The following CCAR1 variants were observed in gnomAD, a reference collection of about 807,000 sequenced individuals.
The protein encoded by CCAR1 is cell division cycle and apoptosis regulator protein 1.
CCAR1 carries 78 observed loss-of-function variants against 163.8 expected under a neutral mutation model. That is an observed-to-expected ratio of 0.48 (90% CI 0.40 to 0.57). CCAR1 has a LOEUF of 0.57. Among genes scored for constraint, CCAR1 ranks in the 20% least tolerant of loss-of-function variants. The pLI, the probability that CCAR1 is intolerant of heterozygous loss-of-function variation, is 0.00. For synonymous variants in CCAR1, 443 were observed against 460.7 expected, an observed-to-expected ratio of 0.96 and a Z score of 0.49; for missense variants, 1,019 against 1,365.2, an observed-to-expected ratio of 0.75 and a Z score of 4.00.
chr10:68,778,336 C>G (rs1044492229), intron 19 of CCAR1, among the ~76,000 whole-genome samples: 7 of 152,188 alleles, frequency 4.6e-5, no homozygotes, highest in African/African-American at 7.2e-5. Context: ...ACATATGCTT[C>G]TATGTTAGGA....
At position 68,755,381 on chromosome 10, in the gene CCAR1, C is replaced by T. The variant is rs1215343752; in HGVS notation, c.1470C>T (p.Gly490=). Residue 490 remains glycine (G), a synonymous_variant, in exon 13 of 25, where the codon GGC becomes GGT. Transcript: ENST00000265872. ...HPARLVKFLV[G]MKGKDEAMAI... ...TTGTTTTGAATTAGTTTTTAGTGGG[C>T]ATGAAAGGCAAGGATGAAGCTATGG... is the stretch of plus-strand genomic sequence containing the variant. The T allele has an allele frequency of 6.2e-7, 1 of 1,611,080 alleles. No individual in the cohort carries two copies. Among genetic ancestry groups the T allele is most frequent in the Non-Finnish European group, 8.5e-7 (1 of 1,178,638 alleles).
At position 68,747,103 on chromosome 10, in the gene CCAR1, G is replaced by T. The variant is rs150619320; in HGVS notation, c.519-58G>T. On this transcript the variant is annotated intron_variant, in intron 6 of 24. Coordinates refer to ENST00000265872, the MANE Select transcript of CCAR1 (RefSeq NM_018237.4). ...TACTAACTATGTAAATCATTTTGGG[G>T]AGAAATCTATTTTAATTGTATTTAT... 1,337 of 856,822 alleles carry T rather than the reference G, an allele frequency of 1.6e-3. 8 individuals carry two copies. The African/African-American group carries it at 0.021, about 13-fold the overall frequency. 53.1% of individuals were successfully genotyped at this position (856,822 alleles called of 1,614,324 possible).
At chr10:68,789,459 C>T (rs539119321) in intron 23 of CCAR1, among the ~76,000 whole-genome samples, 25 of 151,838 alleles carry the variant, frequency 1.6e-4, no homozygotes, top group African/African-American at 5.3e-4. Flanking sequence ...TGTGGTGGTA[C>T]GCGCCTGTAA....
chr10:68,754,151 C>G lies in CCAR1; in HGVS notation c.1344+74C>G, dbSNP rs796321709. 1.2e-5 allele frequency: 13 copies of G among 1,066,062 alleles called. No individual in the cohort carries two copies. The African/African-American group carries it at 1.7e-4, about 14-fold the overall frequency. The allele number at this position is 1,066,062 out of a possible 1,614,324, so 66.0% of individuals were successfully genotyped here. ...ATAATAAAAGGGTATGTAGAATTAT[C>G]CTTCAGAAAGTGTTTGTTAGGTAGA... On this transcript the variant is annotated intron_variant, in intron 11 of 24. Coordinates refer to ENST00000265872, the MANE Select transcript of CCAR1 (RefSeq NM_018237.4).
intron 2 of CCAR1, among the ~76,000 whole-genome samples, chr10:68,724,968 G>A (rs542195775): frequency 3.9e-4 from 59 of 151,958 alleles, no homozygotes; most frequent in Non-Finnish European, 7.1e-4. Flanking sequence ...GAGAAACCCC[G>A]TCTCTACTAA....
rs768478214 is a variant in CCAR1 at position 68,789,790 on chromosome 10, C to G, written c.3268C>G (p.Leu1090Val). 3 of 1,607,232 alleles carry G rather than the reference C, an allele frequency of 1.9e-6. No homozygotes were observed. The highest frequency in any genetic ancestry group is 2.5e-6 in the Non-Finnish European group (3 of 1,177,170). Residue 1090 changes from leucine (L) to valine (V), a missense_variant, in exon 24 of 25, where the codon CTT becomes GTT. Physicochemically the swap from Leu to Val is conservative, Grantham distance 32 (BLOSUM62 1). Transcript: ENST00000265872. ...TGAACTCAGAGAAGTTAAAAAGGAC[C>G]TTAGTCAGTTACAAGAAAACTTAAA... The part of the protein sequence containing the change: ...SGELREVKKD[L>V]SQLQENLKIS...
At chr10:68,788,095 T>A (rs1564555406) in intron 22 of CCAR1, 48 bp downstream of exon 22, 2 of 1,526,464 alleles carry the variant, frequency 1.3e-6, no homozygotes, top group Non-Finnish European at 1.8e-6. Context: ...TACTAGTAAT[T>A]AAAGAAGAAA....
intron 17 of CCAR1, among the ~76,000 whole-genome samples, chr10:68,769,491 G>A (rs959321510): frequency 2.6e-5 from 4 of 152,036 alleles, no homozygotes; most frequent in East Asian, 3.9e-4. Context: ...GTGGTGGCGC[G>A]TACGTGTAAT....
rs1391691574 is a variant in CCAR1, at chr10:68,747,878, C to A, written c.826+312C>A. On this transcript the variant is annotated intron_variant, in intron 8 of 24. Transcript: ENST00000265872. ...GATTGTTTGAAACTCCAGATGTGTT[C>A]TTTTTCGCTCTGTCGCCCAGGCTGG... Among the ~76,000 whole-genome samples, 7 of 152,108 alleles carry A rather than the reference C, an allele frequency of 4.6e-5. No individual in the cohort carries two copies. In the South Asian group the frequency reaches 1.5e-3, roughly 32 times the overall value.
intron 17 of CCAR1, among the ~76,000 whole-genome samples, chr10:68,766,633 T>A (rs1392338573): frequency 1.3e-5 from 2 of 151,506 alleles, no homozygotes; most frequent in Non-Finnish European, 2.9e-5. Context: ...TTCAAGCAGT[T>A]CTCCTGCCTC....
chr10:68,771,416 G>C lies in CCAR1; in HGVS notation c.2509G>C (p.Asp837His). 1.3e-6 allele frequency: 2 copies of C among 1,582,906 alleles called. No homozygotes were observed. The highest frequency in any genetic ancestry group is 8.6e-7 in the Non-Finnish European group (1 of 1,168,200). The change falls in exon 18 of 25, where the codon GAT (aspartate) becomes CAT (histidine). Residue 837 changes from aspartate to histidine, a missense_variant. Around this residue, in one of 4 missense-constraint regions of CCAR1, gnomAD observed 358 missense variants for 406.4 expected, o/e 0.88. Transcript: ENST00000265872. Reference protein sequence around the residue: ...PKRRKSGDDKDKKEDRDERKK... With the variant: ...PKRRKSGDDKHKKEDRDERKK... ...ACGGAGAAAATCAGGCGATGATAAA[G>C]ATAAAAAAGAAGATAGAGATGAAAG...
chr10:68,786,166 A>C lies in CCAR1; in HGVS notation c.2681A>C (p.Asp894Ala). 2.5e-6 allele frequency: 4 copies of C among 1,612,852 alleles called. No individual in the cohort carries two copies. The highest frequency in any genetic ancestry group is 3.4e-6 in the Non-Finnish European group (4 of 1,179,134). ...DRDEEEMTKR[D>A]DKRDINRYCK... ...GATGAGGAAGAAATGACCAAACGAG[A>C]TGACAAAAGAGATATCAACAGATAC... Residue 894 changes from aspartate to alanine, a missense_variant, in exon 20 of 25, where the codon GAT (aspartate) becomes GCT (alanine). Asp to Ala is a moderately radical substitution (Grantham distance 126). Around this residue, in one of 4 missense-constraint regions of CCAR1, gnomAD observed 358 missense variants for 406.4 expected, o/e 0.88. Transcript: ENST00000265872.
chr10:68,735,052 T>G (rs1399058741), intron 2 of CCAR1, among the ~76,000 whole-genome samples: 1 of 152,170 alleles, frequency 6.6e-6, no homozygotes, highest in Non-Finnish European at 1.5e-5. Flanking sequence ...GTACACTAAC[T>G]AAAACCTCTT....
rs1386896867 is a variant in CCAR1 at position 68,789,721 on chromosome 10, A to G, written c.3199A>G (p.Lys1067Glu). The G allele has an allele frequency of 1.9e-6, 3 of 1,570,000 alleles. No homozygotes were observed. Among genetic ancestry groups the G allele is most frequent in the Non-Finnish European group, 2.6e-6 (3 of 1,163,694 alleles). ...LLEEKTDEDE[K>E]TILNLENSNK... ...ATTTTTTTAAACAGATGAAGATGAA[A>G]AAACCATATTAAATTTGGAGAATTC... Residue 1067 changes from lysine (K) to glutamate (E), a missense_variant, in exon 24 of 25, where the codon AAA (lysine) becomes GAA (glutamate). Transcript: ENST00000265872.
intron 12 of CCAR1, 26 bp from the exon 13 acceptor site, chr10:68,755,344 G>A (rs1236970472): frequency 3.1e-6 from 5 of 1,600,014 alleles, no homozygotes; most frequent in South Asian, 2.2e-5. Context: ...CGTAATATAT[G>A]TAAATGATTC....
intron 18 of CCAR1, among the ~76,000 whole-genome samples, chr10:68,771,893 G>C (rs1260263312): frequency 1.3e-5 from 2 of 151,666 alleles, no homozygotes; most frequent in Non-Finnish European, 2.9e-5. Context: ...CTGAGACGGA[G>C]TCTTGCTCTG....
intron 8 of CCAR1, 93 bp downstream of exon 8, chr10:68,747,659 AGAAAACTT>A: frequency 8.3e-7 from 1 of 1,211,760 alleles, no homozygotes; most frequent in Non-Finnish European, 1.2e-6. Flanking sequence ...AGGGATTTCA[AGAAAACTT>A]GAAGCCTAAA....
intron 2 of CCAR1, among the ~76,000 whole-genome samples, chr10:68,733,079 C>T (rs2056062463): frequency 6.6e-6 from 1 of 152,086 alleles, no homozygotes; most frequent in Admixed American, 6.6e-5. Flanking sequence ...ATCCTTTCTC[C>T]CTACCTATGA....
At chr10:68,772,962 A>C (rs920904632) in intron 18 of CCAR1, 26 bp from the exon 19 acceptor site, 6 of 1,189,746 alleles carry the variant, frequency 5.0e-6, no homozygotes, top group African/African-American at 1.6e-5. Context: ...TAAGTAAATA[A>C]ATAATAAAGG....
Sources: allele counts gnomAD v4.1 joint callset (sites outside exome capture counted in the v4.1 genomes callset), GRCh38; gene constraint gnomAD v4.1.1; regional missense constraint gnomAD v4.1.1; transcripts MANE v1.5; gene names NCBI Gene and HGNC (gene_info 2026-07-23, HGNC 2026-07-21).